The following DENND3 variants were observed in gnomAD, a reference collection of about 807,000 sequenced individuals.
DENND3 encodes the protein DENN domain containing 3.
A neutral mutation model predicts 135.1 loss-of-function variants in DENND3; 88 were observed. The observed-to-expected ratio is 0.65, with a 90% CI of 0.55 to 0.78. The LOEUF is 0.78. Ranked by LOEUF, DENND3 falls within the 30% of genes least tolerant of loss-of-function variation. The pLI is 0.00. For missense variants in DENND3, 1,392 were observed against 1,688.4 expected (o/e 0.82, Z 3.08); for synonymous variants, 693 against 712.3 (o/e 0.97, Z 0.43).
chr8:141,151,056 CACCG>C, intron 6 of DENND3, 103 bp downstream of exon 6: 1 of 1,397,056 alleles, frequency 7.2e-7, no homozygotes, highest in Non-Finnish European at 9.4e-7. Context: ...TTCCACAATG[CACCG>C]ACTGGTATAC....
rs1289863103 is a variant in DENND3, at chr8:141,128,795, C to G, written c.88C>G (p.Arg30Gly). Reference protein sequence around the residue: ...ALLGAPRDSLRSLEQVAYKKG... With the variant: ...ALLGAPRDSLGSLEQVAYKKG... ...GCTGGGCGCCCCCCGGGACAGTCTC[C>G]GAAGTCTCGAGCAGGTGAGGGGCGG... Residue 30 changes from arginine (R) to glycine (G), a missense_variant, in exon 1 of 23, where the codon CGA becomes GGA. By Grantham distance (125) the Arg-to-Gly change is moderately radical. Transcript: ENST00000519811. This position sits in a 1 kb window ranked among gnomAD's most constrained non-coding sequence, Gnocchi z 4.5. 2.1e-6 allele frequency: 3 copies of G among 1,447,036 alleles called. No homozygotes were observed. The highest frequency in any genetic ancestry group is 2.7e-6 in the Non-Finnish European group (3 of 1,097,604). 89.6% of individuals were successfully genotyped at this position (1,447,036 alleles called of 1,614,324 possible).
chr8:141,155,811 C>G (rs201755042), intron 7 of DENND3, 38 bp from the exon 8 acceptor site: 2 of 1,548,068 alleles, frequency 1.3e-6, no homozygotes, highest in Admixed American at 4.1e-5. Context: ...TTCCGAAATT[C>G]TTTTATCAAT....
chr8:141,177,789 G>A, intron 15 of DENND3: 2 of 320,052 alleles, frequency 6.2e-6, no homozygotes, highest in Non-Finnish European at 1.2e-5. Flanking sequence ...GCAGGCAGTG[G>A]GTGATCTCAG....
At chr8:141,150,283 C>G in intron 5 of DENND3, 2 of 1,275,978 alleles carry the variant, frequency 1.6e-6, no homozygotes, top group Non-Finnish European at 2.0e-6. Flanking sequence ...TTTCCTCCGC[C>G]AGGTCCAGCC....
At chr8:141,150,976 GCGCGTCTTGTGCTCCCT>G in intron 6 of DENND3, 23 bp downstream of exon 6, 1 of 1,508,086 alleles carries the variant, frequency 6.6e-7, no homozygotes, top group Non-Finnish European at 8.8e-7. Context: ...GCCCCGGCGA[GCGCGTCTTGTGCTCCCT>G]GCCTTAGTGG....
At chr8:141,150,259 C>A (rs560481737) in intron 5 of DENND3, 46 of 1,232,006 alleles carry the variant, frequency 3.7e-5, no homozygotes, top group Non-Finnish European at 4.4e-5. Context: ...AGGAACTGAA[C>A]CTTCTCCTCT....
chr8:141,194,225 G>A lies in DENND3; in HGVS notation c.3829G>A (p.Gly1277Ser). 3 of 1,612,540 alleles carry A rather than the reference G, an allele frequency of 1.9e-6. No individual in the cohort carries two copies. Among genetic ancestry groups the A allele is most frequent in the Non-Finnish European group, 2.5e-6 (3 of 1,179,754 alleles). Residue 1277 changes from glycine (G) to serine (S), a missense_variant, in exon 23 of 23, where the codon GGC (glycine) becomes AGC (serine). Coordinates refer to ENST00000519811, the MANE Select transcript of DENND3 (RefSeq NM_001352890.3). The part of the protein sequence containing the change: ...REEGKVAIWK[G>S]E Reference sequence around the variant, plus strand: ...GGAGGGGAAAGTCGCCATTTGGAAAGGCGAATAAACGTGGCTGAGTCTGCC... The same window carrying A: ...GGAGGGGAAAGTCGCCATTTGGAAAAGCGAATAAACGTGGCTGAGTCTGCC...
chr8:141,162,552 TATTC>T (rs1263501268), intron 9 of DENND3, among the ~76,000 whole-genome samples: 6 of 152,224 alleles, frequency 3.9e-5, no homozygotes, highest in Admixed American at 3.9e-4. Flanking sequence ...CCTGTAAGGT[TATTC>T]ATTCTATTTA....
intron 20 of DENND3, chr8:141,191,126 C>T (rs755658541): frequency 6.6e-6 from 1 of 152,232 alleles, no homozygotes; most frequent in Non-Finnish European, 1.5e-5. Flanking sequence ...AACTACATAA[C>T]CATGAAACAA....
In DENND3 at chr8:141,190,354, C is replaced by A; in HGVS notation, c.3316C>A (p.Arg1106Ser). 1.2e-6 allele frequency: 2 copies of A among 1,613,354 alleles called. No individual in the cohort carries two copies. Among genetic ancestry groups the A allele is most frequent in the Non-Finnish European group, 1.7e-6 (2 of 1,179,860 alleles). Residue 1106 changes from arginine (R) to serine (S), a missense_variant, in exon 20 of 23, where the codon CGC (arginine) becomes AGC (serine). Coordinates refer to ENST00000519811, the MANE Select transcript of DENND3 (RefSeq NM_001352890.3). Reference protein sequence around the residue: ...WNVSTLQVTSRFQLPRGGLTS... With the variant: ...WNVSTLQVTSSFQLPRGGLTS... The stretch of plus-strand genomic sequence containing the variant: ...TGTGAGCACACTGCAGGTGACCAGC[C>A]GCTTCCAGCTGCCGCGAGGTGGCCT...
chr8:141,190,124 T>C (rs764766655), intron 19 of DENND3, among the ~76,000 whole-genome samples, 160 bp from the exon 20 acceptor site: 4 of 135,880 alleles, frequency 2.9e-5, no homozygotes, highest in South Asian at 2.3e-4. Context: ...GCAGGTTACG[T>C]TTGCAGGTTA....
chr8:141,157,103 C>T (rs889850425), intron 8 of DENND3, among the ~76,000 whole-genome samples: 2 of 152,036 alleles, frequency 1.3e-5, no homozygotes, highest in Admixed American at 6.6e-5. Flanking sequence ...TTTTTCACAC[C>T]GTTTTATAGT....
intron 19 of DENND3, among the ~76,000 whole-genome samples, 180 bp from the exon 20 acceptor site, chr8:141,190,104 T>C (rs987365232): frequency 4.9e-5 from 6 of 121,528 alleles, no homozygotes; most frequent in Admixed American, 2.7e-4. Flanking sequence ...TGCATGTTAT[T>C]ATCATGTTTG....
intron 17 of DENND3, among the ~76,000 whole-genome samples, chr8:141,183,419 A>ATTTT (rs1224506549): frequency 1.6e-5 from 2 of 121,640 alleles, no homozygotes; most frequent in Non-Finnish European, 3.6e-5. Context: ...CAATTTTTGT[A>ATTTT]TTTTTTTTTT....
At chr8:141,170,463 CGTG>C (rs945944745) in intron 13 of DENND3, among the ~76,000 whole-genome samples, 1 of 152,178 alleles carries the variant, frequency 6.6e-6, no homozygotes, top group African/African-American at 2.4e-5. Context: ...CCTCTCCCTG[CGTG>C]GTGAAGCCAT....
Position 141,188,888 on chromosome 8 carries a change from C to T in DENND3, c.3085-98C>T, listed in dbSNP as rs527911126. 33 of 1,464,066 alleles carry T rather than the reference C, an allele frequency of 2.3e-5. No homozygotes were observed. In the South Asian group the frequency reaches 3.5e-4, roughly 16 times the overall value. 90.7% of individuals were successfully genotyped at this position (1,464,066 alleles called of 1,614,324 possible). A position where few individuals can be genotyped will look rare whatever the true frequency, so the allele number is the denominator to read the frequency against. On this transcript the variant is annotated intron_variant, in intron 18 of 22. Transcript: ENST00000519811. ...GCGTGTCCCCTAGGAGCAGTGGTTC[C>T]ATATCCGCTAATTCAGCACGTGCAG...
chr8:141,136,247 A>G (rs1214217221), intron 1 of DENND3, among the ~76,000 whole-genome samples: 4 of 152,172 alleles, frequency 2.6e-5, no homozygotes, highest in Admixed American at 6.5e-5. Context: ...GCAGTGCTTT[A>G]TAGGAAGGAG....
intron 13 of DENND3, among the ~76,000 whole-genome samples, chr8:141,173,001 GCACCC>G (rs1366423813): frequency 1.3e-5 from 2 of 150,122 alleles, no homozygotes; most frequent in African/African-American, 4.9e-5. Context: ...GTAGGCTGAG[GCACCC>G]CAGTCAGAGG....
In DENND3 at chr8:141,167,904, A is replaced by G; in HGVS notation, c.1754-100A>G. On this transcript the variant is annotated intron_variant, in intron 12 of 22. Coordinates refer to ENST00000519811, the MANE Select transcript of DENND3 (RefSeq NM_001352890.3). This position sits in a 1 kb window ranked among gnomAD's most constrained non-coding sequence, Gnocchi z 4.1. ...CACACCCATTCTCATTTTATTTTGC[A>G]TCCAGAGAAACATTGTCCTTGACAA... 6.7e-7 allele frequency: 1 copy of G among 1,482,260 alleles called. No homozygotes were observed. Among genetic ancestry groups the G allele is most frequent in the Admixed American group, 2.1e-5 (1 of 48,584 alleles). 91.8% of individuals were successfully genotyped at this position (1,482,260 alleles called of 1,614,324 possible).
Sources: gnomAD v4.1 joint callset for allele counts (sites outside exome capture counted in the v4.1 genomes callset) on GRCh38, gnomAD v4.1.1 for gene constraint, Gnocchi (gnomAD v3.1) non-coding constraint, MANE v1.5 for transcripts, NCBI Gene and HGNC (gene_info 2026-07-23, HGNC 2026-07-21) for gene names.